Variants in CAMTA1 observed in about 807,000 individuals in gnomAD.
The protein encoded by CAMTA1 is calmodulin-binding transcription activator 1.
Under a neutral mutation model 170.9 loss-of-function variants are expected in CAMTA1, and 27 were observed. The observed-to-expected ratio is 0.16, with a 90% CI of 0.12 to 0.22. CAMTA1 has a LOEUF of 0.22. Among genes scored for constraint, CAMTA1 ranks in the 10% least tolerant of loss-of-function variants. The probability of loss-of-function intolerance (pLI) is 1.00; values close to 1 mark genes in which losing one functional copy is unlikely to be tolerated. For missense variants in CAMTA1, 1,619 were observed against 2,217.2 expected (o/e 0.73, Z 5.42); for synonymous variants, 833 against 891.5 (o/e 0.93, Z 1.17).
intron 4 of CAMTA1, among the ~76,000 whole-genome samples, chr1:7,184,554 T>C (rs1652868269): frequency 6.6e-6 from 1 of 151,996 alleles, no homozygotes; most frequent in African/African-American, 2.4e-5. Flanking sequence ...TAAGAAAACA[T>C]ACACAGATCT....
chr1:6,808,765 C>T (rs1480470153), intron 1 of CAMTA1, among the ~76,000 whole-genome samples: 1 of 152,056 alleles, frequency 6.6e-6, no homozygotes, highest in African/African-American at 2.4e-5. Flanking sequence ...ATAGGAAGGA[C>T]TAGAGTCGGG....
At chr1:7,078,111 T>G (rs2147995438) in intron 3 of CAMTA1, among the ~76,000 whole-genome samples, 1 of 152,348 alleles carries the variant, frequency 6.6e-6, no homozygotes, top group Admixed American at 6.5e-5. Flanking sequence ...CAGCATATTT[T>G]TGCATAGCTT....
chr1:7,328,964 G>C (rs568930251), intron 5 of CAMTA1, among the ~76,000 whole-genome samples: 1 of 151,996 alleles, frequency 6.6e-6, no homozygotes, highest in South Asian at 2.1e-4. Context: ...CTTTGTGCTG[G>C]TTCTCACATA....
intron 7 of CAMTA1, among the ~76,000 whole-genome samples, chr1:7,649,201 C>T (rs1324683791): frequency 6.6e-6 from 1 of 152,222 alleles, no homozygotes; most frequent in Non-Finnish European, 1.5e-5. Flanking sequence ...TTGCCAGACA[C>T]TTGTTGACTT....
At chr1:7,079,385 C>CTT (rs1639719444) in intron 3 of CAMTA1, among the ~76,000 whole-genome samples, 2 of 152,130 alleles carry the variant, frequency 1.3e-5, no homozygotes, top group Non-Finnish European at 2.9e-5. Context: ...ACCTGAGAAG[C>CTT]TCAACACACC....
intron 5 of CAMTA1, among the ~76,000 whole-genome samples, chr1:7,301,324 T>G (rs1374761427): frequency 2.0e-5 from 3 of 152,266 alleles, no homozygotes; most frequent in African/African-American, 7.2e-5. Context: ...TAATGTGGTT[T>G]GACTTTTTCA....
At chr1:7,567,303 G>T (rs1394514755) in intron 6 of CAMTA1, among the ~76,000 whole-genome samples, 1 of 152,214 alleles carries the variant, frequency 6.6e-6, no homozygotes, top group African/African-American at 2.4e-5. Flanking sequence ...ACCAGGGCAG[G>T]CAGGACTGCT....
chr1:6,997,124 T>G (rs757256172), intron 3 of CAMTA1, among the ~76,000 whole-genome samples: 4 of 152,212 alleles, frequency 2.6e-5, no homozygotes, highest in Non-Finnish European at 5.9e-5. Flanking sequence ...GAAGCTTCCC[T>G]TGTGGCTCAG....
intron 6 of CAMTA1, among the ~76,000 whole-genome samples, chr1:7,551,738 G>T (rs1378624314): frequency 6.6e-6 from 1 of 152,206 alleles, no homozygotes; most frequent in Non-Finnish European, 1.5e-5. Flanking sequence ...GGCCCTTGGA[G>T]CCTGTCCCTG....
intron 3 of CAMTA1, among the ~76,000 whole-genome samples, chr1:6,908,491 A>G (rs968647002): frequency 6.6e-6 from 1 of 152,240 alleles, no homozygotes; most frequent in Non-Finnish European, 1.5e-5. Flanking sequence ...TTTTCATGTC[A>G]GTGAACTGGC....
At chr1:7,253,857 C>T (rs1004980440) in intron 5 of CAMTA1, among the ~76,000 whole-genome samples, 1 of 152,158 alleles carries the variant, frequency 6.6e-6, no homozygotes, top group African/African-American at 2.4e-5. Context: ...CTTCCTTCAT[C>T]CACTGGGGAT....
chr1:7,737,059 A>C, intron 14 of CAMTA1, 50 bp downstream of exon 14: 2 of 1,485,922 alleles, frequency 1.3e-6, no homozygotes, highest in Non-Finnish European at 1.9e-6. Context: ...CCAGTCTGGC[A>C]TAGGATTTGC....
intron 5 of CAMTA1, among the ~76,000 whole-genome samples, chr1:7,415,859 G>A (rs937721437): frequency 9.2e-5 from 14 of 152,166 alleles, no homozygotes; most frequent in Non-Finnish European, 1.9e-4. Flanking sequence ...TAGCCTTGAT[G>A]GTCTTTACAA....
intron 5 of CAMTA1, among the ~76,000 whole-genome samples, chr1:7,352,520 C>T (rs904872025): frequency 2.0e-4 from 30 of 152,212 alleles, no homozygotes; most frequent in African/African-American, 6.8e-4. Flanking sequence ...CTGTGTGTGG[C>T]GTGTGTCTCT....
At chr1:7,338,346 G>T (rs545164674) in intron 5 of CAMTA1, among the ~76,000 whole-genome samples, 4 of 152,200 alleles carry the variant, frequency 2.6e-5, no homozygotes, top group African/African-American at 9.7e-5. Context: ...CTCATGTAGG[G>T]CCGGGACACG....
At position 7,010,850 on chromosome 1, in the gene CAMTA1, C is replaced by A. The variant is rs942877012; in HGVS notation, c.235-80454C>A. On this transcript the variant is annotated intron_variant, in intron 3 of 22. Transcript: ENST00000303635. This position sits in a 1 kb window ranked among gnomAD's most constrained non-coding sequence, Gnocchi z 4.4. ...GCAGAACCCTCTGGAGTGGAGCAAG[C>A]GATGGGAAATGCTCTTATCAGGCAC... 6.6e-6 allele frequency among the ~76,000 whole-genome samples: 1 copy of A among 152,150 alleles called. No homozygotes were observed. Among genetic ancestry groups the A allele is most frequent in the African/African-American group, 2.4e-5 (1 of 41,434 alleles).
chr1:7,690,170 A>C (rs535898097), intron 11 of CAMTA1, among the ~76,000 whole-genome samples: 1 of 152,182 alleles, frequency 6.6e-6, no homozygotes, highest in South Asian at 2.1e-4. Flanking sequence ...TCTCAAAATA[A>C]GAAGAAAGAG....
At chr1:7,710,599 T>C (rs1398023400) in intron 11 of CAMTA1, among the ~76,000 whole-genome samples, 3 of 23,462 alleles carry the variant, frequency 1.3e-4, no homozygotes, top group Non-Finnish European at 1.8e-4. Flanking sequence ...AGACCCTGTC[T>C]CAAAAAAAAA....
chr1:7,226,839 TA>T (rs1558274369), intron 4 of CAMTA1, among the ~76,000 whole-genome samples: 1 of 152,158 alleles, frequency 6.6e-6, no homozygotes. Context: ...TTTTATTTTT[TA>T]TTTTTTTTTT....
Sources: gnomAD v4.1 joint callset for allele counts (sites outside exome capture counted in the v4.1 genomes callset) on GRCh38, gnomAD v4.1.1 for gene constraint, Gnocchi (gnomAD v3.1) non-coding constraint, MANE v1.5 for transcripts, NCBI Gene and HGNC (gene_info 2026-07-23, HGNC 2026-07-21) for gene names.